The following STAG1 variants were observed in gnomAD, a reference collection of about 807,000 sequenced individuals.
STAG1 encodes the protein cohesin subunit SA-1.
A neutral mutation model predicts 170.9 loss-of-function variants in STAG1; 26 were observed. The ratio of observed to expected loss-of-function variants is 0.15; its 90% CI spans 0.11 to 0.21. The LOEUF is 0.21. Among genes scored for constraint, STAG1 ranks in the 10% least tolerant of loss-of-function variants. The pLI is 1.00. For missense variants in STAG1, 964 were observed against 1,509.5 expected (o/e 0.64, Z 5.99); for synonymous variants, 514 against 497.7 (o/e 1.03, Z -0.44).
intron 1 of STAG1, among the ~76,000 whole-genome samples, chr3:136,741,132 C>T (rs1434122656): frequency 2.0e-5 from 3 of 152,162 alleles, no homozygotes; most frequent in East Asian, 1.9e-4. Flanking sequence ...GAGCAAAAAG[C>T]GTATTTATGA....
At chr3:136,630,839 A>G (rs1396187263) in intron 2 of STAG1, 31 bp downstream of exon 2, 1 of 1,491,884 alleles carries the variant, frequency 6.7e-7, no homozygotes, top group Non-Finnish European at 9.1e-7. Context: ...TTCCTTAAAA[A>G]ATATAAAAAA....
intron 22 of STAG1, among the ~76,000 whole-genome samples, chr3:136,381,601 A>T (rs533974681): frequency 6.6e-6 from 1 of 152,314 alleles, no homozygotes; most frequent in East Asian, 1.9e-4. Context: ...CTTTCAAAAA[A>T]GTATGATTAT....
At chr3:136,419,985 C>T (rs547175031) in intron 20 of STAG1, among the ~76,000 whole-genome samples, 179 of 151,950 alleles carry the variant, frequency 1.2e-3, no homozygotes, top group Non-Finnish European at 2.1e-3. Flanking sequence ...CAGTGACTCA[C>T]GTCTGTAATC....
At chr3:136,684,260 AC>A (rs1195752765) in intron 1 of STAG1, among the ~76,000 whole-genome samples, 1 of 152,186 alleles carries the variant, frequency 6.6e-6, no homozygotes, top group Non-Finnish European at 1.5e-5. Context: ...CGGAAAACTA[AC>A]CGTAGCAACT....
intron 1 of STAG1, among the ~76,000 whole-genome samples, chr3:136,661,676 G>A (rs964134882): frequency 1.3e-4 from 20 of 152,144 alleles, no homozygotes; most frequent in African/African-American, 4.8e-4. Context: ...TTTACATAAG[G>A]GAGACTCAAC....
intron 4 of STAG1, among the ~76,000 whole-genome samples, chr3:136,593,529 A>G (rs762054546): frequency 6.6e-6 from 1 of 152,232 alleles, no homozygotes; most frequent in Non-Finnish European, 1.5e-5. Context: ...TATACTTCTA[A>G]AATTACAATA....
chr3:136,737,046 A>G (rs1934382088), intron 1 of STAG1: 1 of 1,398,776 alleles, frequency 7.1e-7, no homozygotes. Flanking sequence ...CTGTAACTTC[A>G]GGATCTGAAG....
intron 1 of STAG1, among the ~76,000 whole-genome samples, chr3:136,646,557 A>G (rs981252844): frequency 2.0e-5 from 3 of 152,234 alleles, no homozygotes; most frequent in Admixed American, 1.3e-4. Flanking sequence ...TTTAAAGGAT[A>G]TAAAATTACA....
intron 1 of STAG1, among the ~76,000 whole-genome samples, chr3:136,749,678 G>A (rs1935127802): frequency 1.3e-5 from 2 of 149,576 alleles, no homozygotes; most frequent in African/African-American, 2.5e-5. Context: ...CCCAGGAGGC[G>A]GAGGTTGCAG....
At chr3:136,612,541 A>C (rs1380403771) in intron 3 of STAG1, among the ~76,000 whole-genome samples, 2 of 152,132 alleles carry the variant, frequency 1.3e-5, no homozygotes, top group Non-Finnish European at 2.9e-5. Context: ...AAGAACAAAA[A>C]AGTTAGCTGG....
chr3:136,344,505 C>G (rs1330130191), intron 29 of STAG1, among the ~76,000 whole-genome samples: 1 of 152,118 alleles, frequency 6.6e-6, no homozygotes, highest in Admixed American at 6.6e-5. Context: ...TAACTTCTTG[C>G]CAGGTTATAC....
chr3:136,468,789 T>C (rs2089543074), intron 12 of STAG1, among the ~76,000 whole-genome samples: 1 of 152,192 alleles, frequency 6.6e-6, no homozygotes, highest in South Asian at 2.1e-4. Context: ...TTAGCCACCA[T>C]GATCAAGTTG....
At chr3:136,559,124 C>CCTAT (rs3042748) in intron 5 of STAG1, among the ~76,000 whole-genome samples, 49,111 of 143,902 alleles carry the variant, frequency 0.34, 8,092 homozygotes, top group East Asian at 0.47. Flanking sequence ...CACTGAACTA[C>CCTAT]CTATCTATCT....
At position 136,382,170 on chromosome 3, in the gene STAG1, T is replaced by A. The variant is rs141151298; in HGVS notation, c.2278-4418A>T. On this transcript the variant is annotated intron_variant, in intron 22 of 33. Coordinates refer to ENST00000383202, the MANE Select transcript of STAG1 (RefSeq NM_005862.3). ...ATGTTCCTTTACTCCCTCAGATTTC[T>A]TGATTAGTATGTAAGAAAGTCTAGG... 3.6e-3 allele frequency among the ~76,000 whole-genome samples: 554 copies of A among 152,290 alleles called. 3 individuals are homozygous for A. Among genetic ancestry groups the A allele is most frequent in the African/African-American group, 0.013 (528 of 41,566 alleles).
At chr3:136,725,607 G>A (rs915473467) in intron 1 of STAG1, among the ~76,000 whole-genome samples, 6 of 152,160 alleles carry the variant, frequency 3.9e-5, no homozygotes, top group Non-Finnish European at 7.3e-5. Flanking sequence ...AGATGAAGCT[G>A]TATTATGTTT....
chr3:136,550,880 T>C (rs1936353075), intron 5 of STAG1, among the ~76,000 whole-genome samples: 1 of 152,166 alleles, frequency 6.6e-6, no homozygotes, highest in African/African-American at 2.4e-5. Flanking sequence ...TTCTCACGGT[T>C]AGACAGGGTT....
chr3:136,478,060 G>A (rs1330353050), intron 9 of STAG1, among the ~76,000 whole-genome samples: 1 of 152,148 alleles, frequency 6.6e-6, no homozygotes, highest in Non-Finnish European at 1.5e-5. Context: ...AAAGTGCTGG[G>A]ATTACACGCG....
intron 23 of STAG1, among the ~76,000 whole-genome samples, chr3:136,375,407 T>A (rs1937537639): frequency 6.6e-6 from 1 of 152,210 alleles, no homozygotes; most frequent in Non-Finnish European, 1.5e-5. Flanking sequence ...CCACTAACAC[T>A]GCCCCCTCCA....
At chr3:136,443,154 A>T in intron 15 of STAG1, 133 bp downstream of exon 15, 1 of 529,012 alleles carries the variant, frequency 1.9e-6, no homozygotes, top group Non-Finnish European at 3.2e-6. Flanking sequence ...TGTTACAGAA[A>T]ACAAATTGTT....
Sources: gnomAD v4.1 joint callset for allele counts (sites outside exome capture counted in the v4.1 genomes callset) on GRCh38, gnomAD v4.1.1 for gene constraint, MANE v1.5 for transcripts, NCBI Gene and HGNC (gene_info 2026-07-23, HGNC 2026-07-21) for gene names.